ATG4C: variants seen among roughly 807,000 people sequenced by gnomAD.
The protein encoded by ATG4C is cysteine protease ATG4C.
ATG4C carries 56 observed loss-of-function variants against 57.6 expected under a neutral mutation model. The observed-to-expected ratio is 0.97, with a 90% confidence interval of 0.78 to 1.21. The LOEUF is 1.21. Ranked by LOEUF, ATG4C falls within the 50% of genes most tolerant of loss-of-function variation. ATG4C has a pLI of 0.00. For synonymous variants in ATG4C, 157 were observed against 174.1 expected, an observed-to-expected ratio of 0.90 and a Z score of 0.78; for missense variants, 595 against 529.8, an observed-to-expected ratio of 1.12 and a Z score of -1.21.
At position 62,816,694 on chromosome 1, in the gene ATG4C, G is replaced by A; in HGVS notation, c.280G>A (p.Glu94Lys). ...ISRIWLTYRE[E>K]FPQIEGSALT... is the part of the protein sequence containing the mutation. The stretch of plus-strand genomic sequence containing the variant: ...TAGAATATGGCTGACCTACAGGGAA[G>A]AATTCCCTCAAATAGAAGGCTCAGC... The change falls in exon 4 of 11, where the codon GAA becomes AAA. Residue 94 changes from glutamate to lysine, a missense_variant. Glu to Lys is a moderately conservative substitution (Grantham distance 56, BLOSUM62 1). Coordinates refer to ENST00000317868, the MANE Select transcript of ATG4C (RefSeq NM_032852.4). The A allele has an allele frequency of 6.2e-7, 1 of 1,613,858 alleles. No individual in the cohort carries two copies. Among genetic ancestry groups the A allele is most frequent in the Non-Finnish European group, 8.5e-7 (1 of 1,179,830 alleles).
At chr1:62,831,682 A>G (rs950827009) in intron 7 of ATG4C, among the ~76,000 whole-genome samples, 8 of 152,240 alleles carry the variant, frequency 5.3e-5, no homozygotes, top group Admixed American at 1.3e-4. Flanking sequence ...GATACAGCTC[A>G]ATAAATTTTC....
At position 62,865,496 on chromosome 1, in the gene ATG4C, T is replaced by C. The variant is rs369528938; in HGVS notation, c.*1337T>C. 50 of 152,030 alleles carry C rather than the reference T, an allele frequency of 3.3e-4. No individual in the cohort carries two copies. The highest frequency in any genetic ancestry group is 1.2e-3 in the African/African-American group (50 of 41,544). The allele number at this position is 152,030 out of a possible 1,614,324, so 9.4% of individuals were successfully genotyped here. A position where few individuals can be genotyped will look rare whatever the true frequency, so the allele number is the denominator to read the frequency against. ...GTGAAGATTACTTACTGAGTTGAAA[T>C]AAATAGTCTGAAATCTAAAAGTTTT... is the stretch of plus-strand genomic sequence containing the variant. On this transcript the variant is annotated 3_prime_UTR_variant, in exon 11 of 11. Coordinates refer to ENST00000317868, the MANE Select transcript of ATG4C (RefSeq NM_032852.4).
chr1:62,806,528 T>A lies in ATG4C; in HGVS notation c.160+1273T>A, dbSNP rs369702359. ...TTAGGATAGAATTATATATATATAT[T>A]TTTTGGAAGAAATACTTTGAAAAAT... On this transcript the variant is annotated intron_variant, in intron 3 of 10. Coordinates refer to ENST00000317868, the MANE Select transcript of ATG4C (RefSeq NM_032852.4). Among the ~76,000 whole-genome samples, 32 of 152,114 alleles carry A rather than the reference T, an allele frequency of 2.1e-4. 1 individual carries two copies. In the South Asian group the frequency reaches 5.4e-3, roughly 26 times the overall value.
rs748769836 is a variant in ATG4C, at chr1:62,841,466, A to G, written c.1128A>G (p.Arg376=). ...HCPSPKKMSF[R]KMDPSCTIGF... ...CTTCTCCCAAAAAGATGTCTTTTCG[A>G]AAAATGGATCCCAGCTGTACAATAG... is the stretch of plus-strand genomic sequence containing the variant. Residue 376 remains arginine (R), a synonymous_variant, in exon 10 of 11, where the codon CGA becomes CGG. Transcript: ENST00000317868. 1 of 1,607,492 alleles carries G rather than the reference A, an allele frequency of 6.2e-7. No individual in the cohort carries two copies. Among genetic ancestry groups the G allele is most frequent in the East Asian group, 2.2e-5 (1 of 44,530 alleles).
chr1:62,841,552 C>T lies in ATG4C; in HGVS notation c.1209+5C>T. 1 of 1,563,988 alleles carries T rather than the reference C, an allele frequency of 6.4e-7. No individual in the cohort carries two copies. The highest frequency in any genetic ancestry group is 8.6e-7 in the Non-Finnish European group (1 of 1,156,494). On this transcript the variant is annotated splice_donor_5th_base_variant and intron_variant, in intron 10 of 10. Coordinates refer to ENST00000317868, the MANE Select transcript of ATG4C (RefSeq NM_032852.4). ...GCTTCTGAAGAAATCACCAAGGTATCTTTATTTAAAATATTATATTTGTAA... is the reference window on the plus strand; with the variant it reads ...GCTTCTGAAGAAATCACCAAGGTATTTTTATTTAAAATATTATATTTGTAA...
intron 1 of ATG4C, among the ~76,000 whole-genome samples, chr1:62,803,211 G>A (rs185208845): frequency 8.5e-5 from 13 of 152,270 alleles, no homozygotes; most frequent in Admixed American, 4.6e-4. Flanking sequence ...CATAGGAAAT[G>A]TCTTATTTAA....
Position 62,850,611 on chromosome 1 carries a change from G to A in ATG4C, c.1209+9064G>A, listed in dbSNP as rs527959452. On this transcript the variant is annotated intron_variant, in intron 10 of 10. Transcript: ENST00000317868. ...GTCTCCTTGAAAATGATCAGTGCCCGCCCCTGTTTCACGGGTTTCGTTTGT... is the reference window on the plus strand; with the variant it reads ...GTCTCCTTGAAAATGATCAGTGCCCACCCCTGTTTCACGGGTTTCGTTTGT... Among the ~76,000 whole-genome samples, 40 of 151,648 alleles carry A rather than the reference G, an allele frequency of 2.6e-4. No individual in the cohort carries two copies. The South Asian group carries it at 7.7e-3, about 29-fold the overall frequency.
chr1:62,856,308 C>T (rs552336657), intron 10 of ATG4C, among the ~76,000 whole-genome samples: 13 of 152,204 alleles, frequency 8.5e-5, no homozygotes, highest in Non-Finnish European at 1.0e-4. Context: ...AGAAACTCTG[C>T]GTACTTTTGA....
Position 62,816,576 on chromosome 1 carries a change from T to A in ATG4C, c.162T>A (p.Asp54Glu). Residue 54 changes from aspartate to glutamate, a missense_variant and splice_region_variant, in exon 4 of 11, where the codon GAT becomes GAA. Coordinates refer to ENST00000317868, the MANE Select transcript of ATG4C (RefSeq NM_032852.4). ...TTAGACCGTATGTTTATTTTTTAGA[T>A]GAAGATAAAACGTTACCTGCAGAGT... Reference protein sequence around the residue: ...LGKCYHFKYEDEDKTLPAESG... With the variant: ...LGKCYHFKYEEEDKTLPAESG... 1 of 1,596,772 alleles carries A rather than the reference T, an allele frequency of 6.3e-7. No homozygotes were observed. The highest frequency in any genetic ancestry group is 8.5e-7 in the Non-Finnish European group (1 of 1,170,992).
At chr1:62,845,793 C>T (rs1191356889) in intron 10 of ATG4C, among the ~76,000 whole-genome samples, 1 of 152,106 alleles carries the variant, frequency 6.6e-6, no homozygotes, top group Non-Finnish European at 1.5e-5. Context: ...CCTCCACCTC[C>T]CGGGTTCAAG....
chr1:62,850,879 T>C (rs1317397128), intron 10 of ATG4C, among the ~76,000 whole-genome samples: 5 of 76,658 alleles, frequency 6.5e-5, no homozygotes, highest in African/African-American at 2.3e-4. Context: ...TATATATATA[T>C]ATATATATAT....
intron 7 of ATG4C, among the ~76,000 whole-genome samples, chr1:62,832,444 C>G (rs1665872040): frequency 6.6e-6 from 1 of 152,186 alleles, no homozygotes; most frequent in South Asian, 2.1e-4. Context: ...GCTGCGCTCT[C>G]ACATGGTGGA....
intron 1 of ATG4C, among the ~76,000 whole-genome samples, chr1:62,795,670 G>A (rs1664437773): frequency 6.6e-6 from 1 of 152,026 alleles, no homozygotes; most frequent in Non-Finnish European, 1.5e-5. Context: ...AAAAGATTTA[G>A]TAATTTTTCT....
chr1:62,805,082 GAAATT>G, intron 2 of ATG4C, 85 bp from the exon 3 acceptor site: 1 of 1,413,306 alleles, frequency 7.1e-7, no homozygotes, highest in South Asian at 1.6e-5. Flanking sequence ...TTGATGGTTT[GAAATT>G]AAATAAAAGA....
chr1:62,792,889 A>ATT (rs11415231), intron 1 of ATG4C, among the ~76,000 whole-genome samples: 3,086 of 144,892 alleles, frequency 0.021, 115 homozygotes, highest in African/African-American at 0.073. Flanking sequence ...GGTGGTAGTG[A>ATT]TTTTTTTTTT....
intron 5 of ATG4C, among the ~76,000 whole-genome samples, chr1:62,820,367 T>G (rs988430502): frequency 1.3e-5 from 2 of 152,054 alleles, no homozygotes; most frequent in African/African-American, 4.8e-5. Context: ...AAAACCTTTC[T>G]TAGCTTGCAG....
At chr1:62,822,876 C>A (rs1366561441) in intron 6 of ATG4C, among the ~76,000 whole-genome samples, 1 of 152,124 alleles carries the variant, frequency 6.6e-6, no homozygotes, top group Non-Finnish European at 1.5e-5. Flanking sequence ...TTTTTAGAGC[C>A]AAGCACAGTG....
chr1:62,797,727 T>TA (rs1664520127), intron 1 of ATG4C, among the ~76,000 whole-genome samples: 1 of 152,198 alleles, frequency 6.6e-6, no homozygotes, highest in African/African-American at 2.4e-5. Context: ...AACAACCTTA[T>TA]ACTGTTTTTC....
At chr1:62,801,685 G>A (rs771091854) in intron 1 of ATG4C, among the ~76,000 whole-genome samples, 6 of 151,530 alleles carry the variant, frequency 4.0e-5, no homozygotes, top group Non-Finnish European at 7.4e-5. Flanking sequence ...GAAGGCCGGC[G>A]CAGTGGCTCA....
Sources: gnomAD v4.1 joint callset for allele counts (sites outside exome capture counted in the v4.1 genomes callset) on GRCh38, gnomAD v4.1.1 for gene constraint, MANE v1.5 for transcripts, NCBI Gene and HGNC (gene_info 2026-07-23, HGNC 2026-07-21) for gene names.